Variants in CPEB3 observed in about 807,000 individuals in gnomAD.
CPEB3 encodes the protein cytoplasmic polyadenylation element binding protein 3.
A neutral mutation model predicts 67.2 loss-of-function variants in CPEB3; 20 were observed. That is an observed-to-expected ratio of 0.30 (90% CI 0.21 to 0.43). The LOEUF (loss-of-function observed/expected upper bound fraction) is 0.43. Among genes scored for constraint, CPEB3 ranks in the 20% least tolerant of loss-of-function variants. The pLI is 1.00. For synonymous variants in CPEB3, 376 were observed against 393.1 expected (o/e 0.96, Z 0.51); for missense variants, 746 against 968.6 (o/e 0.77, Z 3.05).
At chr10:92,272,894 T>C (rs1485353797) in intron 1 of CPEB3, among the ~76,000 whole-genome samples, 1 of 152,160 alleles carries the variant, frequency 6.6e-6, no homozygotes, top group Non-Finnish European at 1.5e-5. Context: ...CAGAGTGGAC[T>C]GGAGAGGCCA....
chr10:92,168,967 T>C (rs1303950194), intron 4 of CPEB3, among the ~76,000 whole-genome samples: 1 of 150,892 alleles, frequency 6.6e-6, no homozygotes, highest in Admixed American at 6.6e-5. Context: ...AGCTAATTTT[T>C]GTATTTTTAG....
chr10:92,290,428 C>CA (rs1207471880), intron 1 of CPEB3, among the ~76,000 whole-genome samples: 1 of 151,712 alleles, frequency 6.6e-6, no homozygotes, highest in Admixed American at 6.6e-5. Flanking sequence ...GAGAGAGAAA[C>CA]AAACATCCCT....
intron 2 of CPEB3, among the ~76,000 whole-genome samples, chr10:92,223,185 C>G (rs1850783389): frequency 6.6e-6 from 1 of 152,174 alleles, no homozygotes; most frequent in African/African-American, 2.4e-5. Context: ...TCAGAAAAAG[C>G]TCTTGACTTA....
At chr10:92,254,638 ATAG>A (rs970525489) in intron 1 of CPEB3, among the ~76,000 whole-genome samples, 13 of 152,114 alleles carry the variant, frequency 8.5e-5, no homozygotes, top group Non-Finnish European at 1.6e-4. Flanking sequence ...TCCCTTTTTT[ATAG>A]ACCTTGTCTC....
intron 4 of CPEB3, among the ~76,000 whole-genome samples, chr10:92,161,146 G>A (rs556670782): frequency 1.1e-4 from 16 of 152,066 alleles, no homozygotes; most frequent in Admixed American, 1.0e-3. Flanking sequence ...TGCTGGGACT[G>A]TAAATTGGTT....
At chr10:92,058,917 T>A (rs1417218543) in intron 9 of CPEB3, among the ~76,000 whole-genome samples, 1 of 152,192 alleles carries the variant, frequency 6.6e-6, no homozygotes, top group Non-Finnish European at 1.5e-5. Context: ...AGATCATATG[T>A]TAGGTCACAA....
chr10:92,290,994 TC>T lies in CPEB3; in HGVS notation c.-81del, dbSNP rs897006053. The T allele has an allele frequency of 1.2e-4, 19 of 164,726 alleles. No individual in the cohort carries two copies. Among genetic ancestry groups the T allele is most frequent in the African/African-American group, 3.6e-4 (15 of 41,686 alleles). 10.2% of individuals were successfully genotyped at this position (164,726 alleles called of 1,614,324 possible). On this transcript the variant is annotated 5_prime_UTR_variant, in exon 1 of 10. Coordinates refer to ENST00000265997, the MANE Select transcript of CPEB3 (RefSeq NM_014912.5). ...GGAAAGCGGCCCGAAAGACATTTTT[TC>T]CCCCTGGAGGAAGGAAACGGGAGGG...
At chr10:92,235,056 T>C (rs1463390788) in intron 2 of CPEB3, among the ~76,000 whole-genome samples, 1 of 152,216 alleles carries the variant, frequency 6.6e-6, no homozygotes, top group Non-Finnish European at 1.5e-5. Flanking sequence ...GCCTGGCCCA[T>C]AGGTAAATGC....
chr10:92,075,100 C>A (rs1252553817), intron 9 of CPEB3, among the ~76,000 whole-genome samples: 1 of 152,204 alleles, frequency 6.6e-6, no homozygotes, highest in Non-Finnish European at 1.5e-5. Flanking sequence ...TCTTCCACTT[C>A]TCTTAGTCCT....
intron 7 of CPEB3, among the ~76,000 whole-genome samples, chr10:92,103,823 A>G (rs1844306569): frequency 6.6e-6 from 1 of 152,236 alleles, no homozygotes; most frequent in Non-Finnish European, 1.5e-5. Flanking sequence ...TACTCCAGCC[A>G]GACAACTTTG....
intron 9 of CPEB3, among the ~76,000 whole-genome samples, chr10:92,078,062 G>A (rs754004278): frequency 6.6e-6 from 1 of 152,126 alleles, no homozygotes; most frequent in South Asian, 2.1e-4. Flanking sequence ...CATACACAGT[G>A]TACATACTGC....
intron 6 of CPEB3, among the ~76,000 whole-genome samples, chr10:92,117,543 G>A (rs1159951486): frequency 1.3e-5 from 2 of 150,420 alleles, no homozygotes; most frequent in East Asian, 3.9e-4. Flanking sequence ...TGTTAGCCAG[G>A]GTGGTCTCGA....
intron 6 of CPEB3, among the ~76,000 whole-genome samples, chr10:92,115,114 G>A (rs950723247): frequency 6.6e-6 from 1 of 152,214 alleles, no homozygotes; most frequent in African/African-American, 2.4e-5. Flanking sequence ...GGAGGAGGAA[G>A]TAGAGCCCGG....
At chr10:92,117,997 A>C (rs1168900775) in intron 6 of CPEB3, among the ~76,000 whole-genome samples, 2 of 152,238 alleles carry the variant, frequency 1.3e-5, no homozygotes, top group Non-Finnish European at 2.9e-5. Context: ...ATCTGGAATT[A>C]AACCAGATCA....
intron 4 of CPEB3, among the ~76,000 whole-genome samples, chr10:92,158,220 T>C (rs1847297332): frequency 6.6e-6 from 1 of 152,186 alleles, no homozygotes; most frequent in South Asian, 2.1e-4. Flanking sequence ...CTGCAGACAC[T>C]ATATTTTTTT....
chr10:92,262,479 A>C (rs1006702209), intron 1 of CPEB3, among the ~76,000 whole-genome samples: 2 of 152,204 alleles, frequency 1.3e-5, no homozygotes, highest in Non-Finnish European at 2.9e-5. Context: ...TCTGAGGCTA[A>C]AGTAACTTGT....
intron 4 of CPEB3, among the ~76,000 whole-genome samples, chr10:92,171,204 G>A (rs1370128179): frequency 6.6e-6 from 1 of 152,214 alleles, no homozygotes; most frequent in Admixed American, 6.5e-5. Context: ...GTAGCATGGA[G>A]AAGCTGCTCA....
At chr10:92,243,616 C>A (rs1851939550) in intron 1 of CPEB3, among the ~76,000 whole-genome samples, 2 of 152,068 alleles carry the variant, frequency 1.3e-5, no homozygotes, top group African/African-American at 4.8e-5. Flanking sequence ...AATAGGAATC[C>A]TACTAGAAAG....
At position 92,289,732 on chromosome 10, in the gene CPEB3, A is replaced by AAAAAT; in HGVS notation, c.-12+1193_-12+1194insATTTT. Among the ~76,000 whole-genome samples, 291 of 75,756 alleles carry AAAAAT rather than the reference A, an allele frequency of 3.8e-3. 15 individuals carry two copies. Among genetic ancestry groups the AAAAAT allele is most frequent in the Non-Finnish European group, 6.4e-3 (250 of 39,082 alleles). The allele number at this position is 75,756 out of a possible 152,430, so 49.7% of individuals were successfully genotyped here. A position where few individuals can be genotyped will look rare whatever the true frequency, so the allele number is the denominator to read the frequency against. Reference sequence around the variant, plus strand: ...CGCGTCTCTACCAAAAAAAAAAAAAAATATATATATATATATATATATATA... The same window carrying AAAAAT: ...CGCGTCTCTACCAAAAAAAAAAAAAAAAAATATATATATATATATATATATATATA... On this transcript the variant is annotated intron_variant, in intron 1 of 9. Transcript: ENST00000265997.
Sources: allele counts gnomAD v4.1 joint callset (sites outside exome capture counted in the v4.1 genomes callset), GRCh38; gene constraint gnomAD v4.1.1; transcripts MANE v1.5; gene names NCBI Gene and HGNC (gene_info 2026-07-23, HGNC 2026-07-21).